FGF14: variants seen among roughly 807,000 people sequenced by gnomAD.
FGF14 encodes fibroblast growth factor homologous factor 4.
In FGF14, 5 loss-of-function variants were observed where a neutral mutation model predicts 25.5. The observed-to-expected ratio is 0.20, with a 90% CI of 0.10 to 0.41. The LOEUF (loss-of-function observed/expected upper bound fraction) is 0.41, where lower values mean the gene tolerates loss of function less well. Among genes scored for constraint, FGF14 ranks in the 10% least tolerant of loss-of-function variants. FGF14 has a pLI of 1.00. For missense variants in FGF14, 222 were observed against 320.1 expected (o/e 0.69, Z 2.34); for synonymous variants, 138 against 118.3 (o/e 1.17, Z -1.08).
chr13:101,810,546 C>T (rs1236840932), intron 3 of FGF14, among the ~76,000 whole-genome samples: 1 of 152,142 alleles, frequency 6.6e-6, no homozygotes, highest in Admixed American at 6.5e-5. Context: ...AGATCTCCTG[C>T]TTCGCTGACA....
intron 1 of FGF14, among the ~76,000 whole-genome samples, chr13:101,994,538 C>T (rs996463421): frequency 2.6e-4 from 40 of 151,932 alleles, no homozygotes; most frequent in African/African-American, 8.7e-4. Flanking sequence ...TTCAGAGTGC[C>T]GTTGTAAGTT....
At chr13:101,786,782 T>C (rs2039855496) in intron 3 of FGF14, among the ~76,000 whole-genome samples, 1 of 152,212 alleles carries the variant, frequency 6.6e-6, no homozygotes, top group African/African-American at 2.4e-5. Flanking sequence ...AGCTTTTCTT[T>C]TTCCAGATCA....
chr13:101,825,922 A>T (rs1305622455), intron 3 of FGF14, among the ~76,000 whole-genome samples: 1 of 152,164 alleles, frequency 6.6e-6, no homozygotes, highest in Admixed American at 6.5e-5. Context: ...CAAATCACAT[A>T]TATCCCTAAA....
At chr13:101,901,770 G>A (rs974284453) in intron 1 of FGF14, among the ~76,000 whole-genome samples, 5 of 152,116 alleles carry the variant, frequency 3.3e-5, no homozygotes, top group Non-Finnish European at 5.9e-5. Flanking sequence ...CGAGGAGTTT[G>A]TGCAGAAGAA....
intron 1 of FGF14, among the ~76,000 whole-genome samples, chr13:101,971,997 C>T (rs9557764): frequency 2.0e-5 from 3 of 151,964 alleles, no homozygotes; most frequent in Admixed American, 6.6e-5. Flanking sequence ...CACAAGTGGG[C>T]GGAGACAGGA....
chr13:101,758,354 G>A (rs767191530), intron 3 of FGF14, among the ~76,000 whole-genome samples: 8 of 152,190 alleles, frequency 5.3e-5, no homozygotes, highest in Non-Finnish European at 1.2e-4. Context: ...GTAGGAGCGA[G>A]TTTGCATTTC....
At chr13:101,864,386 C>T (rs1422495784) in intron 3 of FGF14, among the ~76,000 whole-genome samples, 1 of 152,134 alleles carries the variant, frequency 6.6e-6, no homozygotes, top group African/African-American at 2.4e-5. Flanking sequence ...CACCGTCTCC[C>T]CCAGATACCA....
At chr13:101,846,508 T>C (rs1246662577) in intron 3 of FGF14, among the ~76,000 whole-genome samples, 2 of 152,076 alleles carry the variant, frequency 1.3e-5, no homozygotes, top group Non-Finnish European at 2.9e-5. Flanking sequence ...GACTCTTAAA[T>C]GTTCCCCTCT....
chr13:102,346,865 C>A (rs2138945086), intron 1 of FGF14, among the ~76,000 whole-genome samples: 1 of 152,172 alleles, frequency 6.6e-6, no homozygotes, highest in African/African-American at 2.4e-5. Context: ...TATTAGTCAA[C>A]AATATGACAC....
At position 101,715,403 on chromosome 13, in the gene FGF14, G is replaced by T. The variant is rs2034671902; in HGVS notation, c.*7428C>A. 2 of 631,278 alleles carry T rather than the reference G, an allele frequency of 3.2e-6. No homozygotes were observed. Among genetic ancestry groups the T allele is most frequent in the Admixed American group, 5.3e-5 (2 of 37,676 alleles). 39.1% of individuals were successfully genotyped at this position (631,278 alleles called of 1,614,324 possible). On this transcript the variant is annotated 3_prime_UTR_variant, in exon 5 of 5. Coordinates refer to ENST00000376143, the MANE Select transcript of FGF14 (RefSeq NM_004115.4). The stretch of plus-strand genomic sequence containing the variant: ...TGTTTGAAAGATTAGATGTCTCGCA[G>T]CTGCTTAATAAGATGTAATAATAAC...
At chr13:102,161,570 A>AAGAAGAAGAAGAAAGAAGAAG in intron 1 of FGF14, among the ~76,000 whole-genome samples, 1 of 5,652 alleles carries the variant, frequency 1.8e-4, no homozygotes, top group Admixed American at 3.9e-3. Flanking sequence ...TTCTGTGAAG[A>AAGAAGAAGAAGAAAGAAGAAG]AAGAAAGAAG....
intron 1 of FGF14, among the ~76,000 whole-genome samples, chr13:102,052,048 A>T (rs187109455): frequency 6.6e-6 from 1 of 152,230 alleles, no homozygotes; most frequent in Non-Finnish European, 1.5e-5. Flanking sequence ...AAAAAGTTTA[A>T]CAGATTAAAA....
intron 1 of FGF14, among the ~76,000 whole-genome samples, chr13:102,020,806 C>T (rs2040604852): frequency 6.6e-6 from 1 of 151,910 alleles, no homozygotes; most frequent in Non-Finnish European, 1.5e-5. Flanking sequence ...GGGATGTTAC[C>T]TGACAAATAC....
intron 1 of FGF14, among the ~76,000 whole-genome samples, chr13:102,121,176 G>C (rs764254876): frequency 6.6e-6 from 1 of 151,976 alleles, no homozygotes; most frequent in Non-Finnish European, 1.5e-5. Context: ...TTTGGAATCT[G>C]CTTGCCCACA....
intron 3 of FGF14, among the ~76,000 whole-genome samples, chr13:101,848,079 AAACTT>A (rs2043557954): frequency 6.6e-6 from 1 of 152,052 alleles, no homozygotes; most frequent in Non-Finnish European, 1.5e-5. Flanking sequence ...TTAATATTCT[AAACTT>A]AACATATTTC....
intron 1 of FGF14, among the ~76,000 whole-genome samples, chr13:102,037,845 A>C (rs2139978544): frequency 6.6e-6 from 1 of 152,278 alleles, no homozygotes; most frequent in East Asian, 1.9e-4. Flanking sequence ...AATGCACAGC[A>C]AGTCAACTCA....
At chr13:101,824,062 G>A (rs1193020393) in intron 3 of FGF14, among the ~76,000 whole-genome samples, 2 of 151,982 alleles carry the variant, frequency 1.3e-5, no homozygotes, top group African/African-American at 4.8e-5. Flanking sequence ...AGTTGCTAGT[G>A]AAGAATTCAC....
At chr13:102,395,562 C>G (rs1259525511) in intron 1 of FGF14, 1 of 152,172 alleles carries the variant, frequency 6.6e-6, no homozygotes, top group Non-Finnish European at 1.5e-5. Context: ...TAGCCAAATT[C>G]TTGGTTGGCG....
rs369652369 is a variant in FGF14, at chr13:102,262,089, G to C, written c.208+139382C>G. ...AGCAAACAGATGTGAATGTTATAAAGCAGATGCTGATCTTTAGTATCACAC... is the reference window on the plus strand; with the variant it reads ...AGCAAACAGATGTGAATGTTATAAACCAGATGCTGATCTTTAGTATCACAC... On this transcript the variant is annotated intron_variant, in intron 1 of 4. Coordinates refer to the FGF14 transcript ENST00000376131. 7.4e-4 allele frequency among the ~76,000 whole-genome samples: 112 copies of C among 152,294 alleles called. 1 individual carries two copies. The South Asian group carries it at 0.022, about 30-fold the overall frequency.
Sources: allele counts gnomAD v4.1 joint callset (sites outside exome capture counted in the v4.1 genomes callset), GRCh38; gene constraint gnomAD v4.1.1; transcripts MANE v1.5; gene names NCBI Gene and HGNC (gene_info 2026-07-23, HGNC 2026-07-21).